The following COL17A1 variants were observed in gnomAD, a reference collection of about 807,000 sequenced individuals.
COL17A1 encodes the protein collagen type XVII alpha 1 chain.
COL17A1 carries 181 observed loss-of-function variants against 218.4 expected under a neutral mutation model. The ratio of observed to expected loss-of-function variants is 0.83; its 90% CI spans 0.73 to 0.94. COL17A1 has a LOEUF of 0.94. Ranked by LOEUF, COL17A1 falls within the 40% of genes least tolerant of loss-of-function variation. The pLI is 0.00. For missense variants in COL17A1, 1,924 were observed against 1,945.9 expected, an observed-to-expected ratio of 0.99 and a Z score of 0.21; for synonymous variants, 721 against 731.0, an observed-to-expected ratio of 0.99 and a Z score of 0.22.
At chr10:104,056,036 G>C (rs772179195) in intron 17 of COL17A1, 33 bp from the exon 18 acceptor site, 4 of 1,613,200 alleles carry the variant, frequency 2.5e-6, no homozygotes, top group Non-Finnish European at 3.4e-6. Flanking sequence ...GCGTCACTGA[G>C]GGCCCGGTCC....
In COL17A1 at chr10:104,084,210, A is replaced by T. The variant is rs140565385; in HGVS notation, c.-12+1513T>A. Among the ~76,000 whole-genome samples the T allele has an allele frequency of 3.5e-3, 528 of 152,360 alleles. 2 individuals are homozygous for T. Among genetic ancestry groups the T allele is most frequent in the African/African-American group, 0.012 (492 of 41,578 alleles). On this transcript the variant is annotated intron_variant, in intron 1 of 55. Coordinates refer to ENST00000648076, the MANE Select transcript of COL17A1 (RefSeq NM_000494.4). ...GCCACTGTTAATAATGGCAAATGAA[A>T]CAAACAATGTAAACACAGACTTCTT...
At chr10:104,032,315 A>C in intron 55 of COL17A1, 25 bp from the exon 56 acceptor site, 1 of 1,607,292 alleles carries the variant, frequency 6.2e-7, no homozygotes, top group Non-Finnish European at 8.5e-7. Flanking sequence ...ATCAGTAGGA[A>C]GTTAAAACAT....
In COL17A1 at chr10:104,040,343, G is replaced by C; in HGVS notation, c.2761+8C>G. ...TGGCTTCTGGGTTCCCTGATACACTGTTCTCACCTTGGTCTCCCTTGGGAC... is the reference window on the plus strand; with the variant it reads ...TGGCTTCTGGGTTCCCTGATACACTCTTCTCACCTTGGTCTCCCTTGGGAC... On this transcript the variant is annotated splice_region_variant and intron_variant, in intron 40 of 55. Transcript: ENST00000648076. The C allele has an allele frequency of 2.5e-6, 4 of 1,597,240 alleles. No individual in the cohort carries two copies. The highest frequency in any genetic ancestry group is 3.4e-6 in the Non-Finnish European group (4 of 1,164,568).
At chr10:104,039,780 ACACACACACACACACG>A (rs1177663334) in intron 41 of COL17A1, 140 bp from the exon 42 acceptor site, 11 of 1,051,784 alleles carry the variant, frequency 1.0e-5, no homozygotes, top group Middle Eastern at 2.2e-4. Flanking sequence ...ACACACACAC[ACACACACACACACACG>A]CACACGCACA....
At chr10:104,077,938 G>C (rs1005538868) in intron 3 of COL17A1, among the ~76,000 whole-genome samples, 3 of 152,234 alleles carry the variant, frequency 2.0e-5, no homozygotes, top group African/African-American at 4.8e-5. Context: ...AGAAGTGCTG[G>C]AGGGGCGTGT....
chr10:104,056,945 A>G, intron 17 of COL17A1, 30 bp downstream of exon 17: 1 of 1,554,102 alleles, frequency 6.4e-7, no homozygotes, highest in Non-Finnish European at 8.7e-7. Flanking sequence ...CTCCTACCAC[A>G]CAGGCTGCCC....
At chr10:104,061,648 TATA>T (rs1292612308) in intron 12 of COL17A1, among the ~76,000 whole-genome samples, 175 bp from the exon 13 acceptor site, 1 of 152,060 alleles carries the variant, frequency 6.6e-6, no homozygotes, top group African/African-American at 2.4e-5. Context: ...CGTTCTTAGG[TATA>T]ATCCTCCTCA....
chr10:104,036,949 C>A, intron 47 of COL17A1, 96 bp downstream of exon 47: 1 of 1,195,722 alleles, frequency 8.4e-7, no homozygotes. Flanking sequence ...TCTTGCAGCC[C>A]TTCCAAGGCT....
At position 104,039,438 on chromosome 10, in the gene COL17A1, C is replaced by T; in HGVS notation, c.2896+7G>A. 1.2e-6 allele frequency: 2 copies of T among 1,613,960 alleles called. No individual in the cohort carries two copies. The highest frequency in any genetic ancestry group is 1.7e-6 in the Non-Finnish European group (2 of 1,179,976). On this transcript the variant is annotated splice_region_variant and intron_variant, in intron 43 of 55. Transcript: ENST00000648076. Reference sequence around the variant, plus strand: ...CCTCACCACCTTCTCACTGCTCCCTCACTGACCTTTGTCACCTTTGGGTCC... The same window carrying T: ...CCTCACCACCTTCTCACTGCTCCCTTACTGACCTTTGTCACCTTTGGGTCC...
chr10:104,066,250 CT>C (rs2086625290), intron 9 of COL17A1, among the ~76,000 whole-genome samples: 1 of 152,154 alleles, frequency 6.6e-6, no homozygotes, highest in Admixed American at 6.5e-5. Flanking sequence ...CCTAAAGCCC[CT>C]GCCCAACAAA....
At chr10:104,033,109 A>G (rs1166742268) in intron 53 of COL17A1, 129 bp downstream of exon 53, 1 of 1,513,784 alleles carries the variant, frequency 6.6e-7, no homozygotes, top group East Asian at 2.4e-5. Flanking sequence ...AATTTATAGA[A>G]TTTGTCTAAT....
intron 1 of COL17A1, among the ~76,000 whole-genome samples, chr10:104,084,249 A>G (rs1388341256): frequency 6.6e-6 from 1 of 152,148 alleles, no homozygotes; most frequent in Non-Finnish European, 1.5e-5. Flanking sequence ...GTTTTTCATA[A>G]TCTGAGAAGG....
At chr10:104,043,392 T>C (rs1347638290) in intron 35 of COL17A1, 109 bp downstream of exon 35, 2 of 1,004,836 alleles carry the variant, frequency 2.0e-6, no homozygotes, top group African/African-American at 3.2e-5. Flanking sequence ...TTATTCTCTT[T>C]ACCAGGTTCA....
chr10:104,060,495 G>C (rs1330004733), intron 13 of COL17A1, among the ~76,000 whole-genome samples: 1 of 152,210 alleles, frequency 6.6e-6, no homozygotes, highest in African/African-American at 2.4e-5. Flanking sequence ...TGGCCACCAA[G>C]AGTTTGGGTC....
intron 33 of COL17A1, 117 bp downstream of exon 33, chr10:104,045,641 A>G (rs1564675416): frequency 1.1e-6 from 1 of 900,482 alleles, no homozygotes. Flanking sequence ...TGCTAGAACC[A>G]CTAGATGCCA....
chr10:104,074,347 G>A (rs1009798978), intron 5 of COL17A1, 116 bp from the exon 6 acceptor site: 5 of 1,420,894 alleles, frequency 3.5e-6, no homozygotes, highest in African/African-American at 1.4e-5. Flanking sequence ...AGTGTTTCAG[G>A]GGGGAATGAG....
chr10:104,046,813 G>A (rs749612389), intron 31 of COL17A1, 40 bp from the exon 32 acceptor site: 7 of 1,606,766 alleles, frequency 4.4e-6, no homozygotes, highest in Middle Eastern at 3.3e-4. Flanking sequence ...GTTGAAGGGT[G>A]GAGGCCATCC....
In COL17A1 at chr10:104,041,297, T is replaced by C. The variant is rs1446665293; in HGVS notation, c.2647+6A>G. 1 of 1,607,526 alleles carries C rather than the reference T, an allele frequency of 6.2e-7. No homozygotes were observed. The highest frequency in any genetic ancestry group is 2.2e-5 in the East Asian group (1 of 44,806). On this transcript the variant is annotated splice_donor_region_variant and intron_variant, in intron 38 of 55. Coordinates refer to ENST00000648076, the MANE Select transcript of COL17A1 (RefSeq NM_000494.4). The stretch of plus-strand genomic sequence containing the variant: ...CCCACCTCCCAGTGGTAAGCTCGGC[T>C]CTCACCTGGTGGGCCTCGGGGTCCT...
At chr10:104,076,249 A>G in intron 5 of COL17A1, 52 bp downstream of exon 5, 1 of 1,612,114 alleles carries the variant, frequency 6.2e-7, no homozygotes, top group South Asian at 1.1e-5. Flanking sequence ...AGAATGAGTG[A>G]AGTTGCTTGG....
Sources: gnomAD v4.1 joint callset for allele counts (sites outside exome capture counted in the v4.1 genomes callset) on GRCh38, gnomAD v4.1.1 for gene constraint, MANE v1.5 for transcripts, NCBI Gene and HGNC (gene_info 2026-07-23, HGNC 2026-07-21) for gene names.